Variants in CYCS observed in about 807,000 individuals in gnomAD.
The protein encoded by CYCS is cytochrome c.
For synonymous variants in CYCS, 41 were observed against 43.0 expected (o/e 0.95, Z 0.18); for missense variants, 87 against 125.3 (o/e 0.69, Z 1.46).
chr7:25,119,578 C>CTTT lies in CYCS; in HGVS notation c.*4120_*4122dup, dbSNP rs371993166. Among the ~76,000 whole-genome samples the CTTT allele has an allele frequency of 7.1e-6, 1 of 141,000 alleles. No individual in the cohort carries two copies. Among genetic ancestry groups the CTTT allele is most frequent in the Non-Finnish European group, 1.5e-5 (1 of 64,538 alleles). The allele number at this position is 141,000 out of a possible 152,430, so 92.5% of individuals were successfully genotyped here. A position where few individuals can be genotyped will look rare whatever the true frequency, so the allele number is the denominator to read the frequency against. ...GGCATGACCTACTGCACCCAGACCACTTTTTTTTTTTTTAAAAGAGATGGA... is the reference window on the plus strand; with the variant it reads ...GGCATGACCTACTGCACCCAGACCACTTTTTTTTTTTTTTTTAAAAGAGATGGA... On this transcript the variant is annotated 3_prime_UTR_variant, in exon 3 of 3. Coordinates refer to ENST00000305786, the MANE Select transcript of CYCS (RefSeq NM_018947.6).
At position 25,120,763 on chromosome 7, in the gene CYCS, GCT is replaced by G. The variant is rs1460011656; in HGVS notation, c.*2936_*2937del. On this transcript the variant is annotated 3_prime_UTR_variant, in exon 3 of 3. Transcript: ENST00000305786. ...GAAATGAAAACATGTGGTTTATAGT[GCT>G]CTTTTTTTCCCCTATTTCCTTATTT... 3 of 152,314 alleles carry G rather than the reference GCT, an allele frequency of 2.0e-5. No homozygotes were observed. Among genetic ancestry groups the G allele is most frequent in the Admixed American group, 6.5e-5 (1 of 15,296 alleles). The allele number at this position is 152,314 out of a possible 1,614,324, so 9.4% of individuals were successfully genotyped here. A position where few individuals can be genotyped will look rare whatever the true frequency, so the allele number is the denominator to read the frequency against.
chr7:25,123,445 C>T lies in CYCS; in HGVS notation c.*256G>A, dbSNP rs1035038866. ...TTTGTGAAAAGTTGAACATTACTAACGAAGTCTAATCATATCTTTAAAAGG... is the reference window on the plus strand; with the variant it reads ...TTTGTGAAAAGTTGAACATTACTAATGAAGTCTAATCATATCTTTAAAAGG... On this transcript the variant is annotated 3_prime_UTR_variant, in exon 3 of 3. Coordinates refer to ENST00000305786, the MANE Select transcript of CYCS (RefSeq NM_018947.6). The T allele has an allele frequency of 2.9e-5, 13 of 444,506 alleles. No individual in the cohort carries two copies. Among genetic ancestry groups the T allele is most frequent in the South Asian group, 8.9e-5 (4 of 44,942 alleles). The allele number at this position is 444,506 out of a possible 1,614,324, so 27.5% of individuals were successfully genotyped here. A position where few individuals can be genotyped will look rare whatever the true frequency, so the allele number is the denominator to read the frequency against.
rs1382884625 is a variant in CYCS at position 25,120,760 on chromosome 7, A to G, written c.*2941T>C. On this transcript the variant is annotated 3_prime_UTR_variant, in exon 3 of 3. Coordinates refer to ENST00000305786, the MANE Select transcript of CYCS (RefSeq NM_018947.6). The stretch of plus-strand genomic sequence containing the variant: ...CTAGAAATGAAAACATGTGGTTTAT[A>G]GTGCTCTTTTTTTCCCCTATTTCCT... 2 of 152,360 alleles carry G rather than the reference A, an allele frequency of 1.3e-5. No homozygotes were observed. The highest frequency in any genetic ancestry group is 2.9e-5 in the Non-Finnish European group (2 of 68,038). The allele number at this position is 152,360 out of a possible 1,614,324, so 9.4% of individuals were successfully genotyped here.
Position 25,121,433 on chromosome 7 carries a change from C to T in CYCS, c.*2268G>A, listed in dbSNP as rs758114524. ...TGGCGGGTGCCTGTAATCCCAGCTA[C>T]TCAGGAGGCTGAGGCAGGAGAATCA... On this transcript the variant is annotated 3_prime_UTR_variant, in exon 3 of 3. Transcript: ENST00000305786. The T allele has an allele frequency of 7.2e-5, 11 of 152,100 alleles. No individual in the cohort carries two copies. The highest frequency in any genetic ancestry group is 2.4e-5 in the African/African-American group (1 of 41,350). 9.4% of individuals were successfully genotyped at this position (152,100 alleles called of 1,614,324 possible). A position where few individuals can be genotyped will look rare whatever the true frequency, so the allele number is the denominator to read the frequency against.
Position 25,119,064 on chromosome 7 carries a change from A to G in CYCS, c.*4637T>C, listed in dbSNP as rs539893246. ...ATTCTGAGGCACAGAAAATACAGCC[A>G]AAGCAGCAGCTCAGTATGTACCCCG... On this transcript the variant is annotated 3_prime_UTR_variant, in exon 3 of 3. Coordinates refer to ENST00000305786, the MANE Select transcript of CYCS (RefSeq NM_018947.6). 1.3e-5 allele frequency among the ~76,000 whole-genome samples: 2 copies of G among 152,346 alleles called. No homozygotes were observed. The highest frequency in any genetic ancestry group is 2.9e-5 in the Non-Finnish European group (2 of 68,028).
At chr7:25,124,602 G>C (rs1326045479) in intron 1 of CYCS, 1 of 215,164 alleles carries the variant, frequency 4.6e-6, no homozygotes, top group Non-Finnish European at 9.5e-6. Flanking sequence ...ATCTGCCCAG[G>C]TCACAGGAGT....
In CYCS at chr7:25,122,401, C is replaced by T. The variant is rs1327399663; in HGVS notation, c.*1300G>A. 1 of 152,236 alleles carries T rather than the reference C, an allele frequency of 6.6e-6. No individual in the cohort carries two copies. Among genetic ancestry groups the T allele is most frequent in the Admixed American group, 6.5e-5 (1 of 15,276 alleles). The allele number at this position is 152,236 out of a possible 1,614,324, so 9.4% of individuals were successfully genotyped here. ...GTCTTCTCACTGTCCCACAAAGATA[C>T]AGTTCTCAGCTGCACCAGCATAGAT... On this transcript the variant is annotated 3_prime_UTR_variant, in exon 3 of 3. Transcript: ENST00000305786.
rs1362456118 is a variant in CYCS, at chr7:25,125,228, C to A, written c.-37G>T. 6.5e-6 allele frequency: 1 copy of A among 152,868 alleles called. No individual in the cohort carries two copies. The highest frequency in any genetic ancestry group is 2.4e-5 in the African/African-American group (1 of 41,478). The allele number at this position is 152,868 out of a possible 1,614,324, so 9.5% of individuals were successfully genotyped here. The stretch of plus-strand genomic sequence containing the variant: ...TTTTTAGTCGCTGGCACAACGAACA[C>A]TCCCGCTCCGAAGCCGGACGTCCCC... On this transcript the variant is annotated 5_prime_UTR_variant, in exon 1 of 3. Coordinates refer to ENST00000305786, the MANE Select transcript of CYCS (RefSeq NM_018947.6).
In CYCS at chr7:25,121,152, T is replaced by A. The variant is rs911590169; in HGVS notation, c.*2549A>T. On this transcript the variant is annotated 3_prime_UTR_variant, in exon 3 of 3. Coordinates refer to ENST00000305786, the MANE Select transcript of CYCS (RefSeq NM_018947.6). ...AAATAAAAATAAAAAAGTTACAGAATCACATTTTAAACCACCAGAAGTGCT... is the reference window on the plus strand; with the variant it reads ...AAATAAAAATAAAAAAGTTACAGAAACACATTTTAAACCACCAGAAGTGCT... 6.6e-6 allele frequency: 1 copy of A among 151,868 alleles called. No individual in the cohort carries two copies. The highest frequency in any genetic ancestry group is 2.4e-5 in the African/African-American group (1 of 41,352). 9.4% of individuals were successfully genotyped at this position (151,868 alleles called of 1,614,324 possible).
rs1020529555 is a variant in CYCS, at chr7:25,120,995, A to G, written c.*2706T>C. On this transcript the variant is annotated 3_prime_UTR_variant, in exon 3 of 3. Coordinates refer to ENST00000305786, the MANE Select transcript of CYCS (RefSeq NM_018947.6). ...CAAAATAAGCTGGGCATGGTGGCGC[A>G]TGCTTGTAATCCCAGCTACTTGAGA... The G allele has an allele frequency of 6.6e-6, 1 of 152,260 alleles. No homozygotes were observed. The highest frequency in any genetic ancestry group is 2.4e-5 in the African/African-American group (1 of 41,454). 9.4% of individuals were successfully genotyped at this position (152,260 alleles called of 1,614,324 possible).
At position 25,120,054 on chromosome 7, in the gene CYCS, C is replaced by T. The variant is rs1783334844; in HGVS notation, c.*3647G>A. The T allele has an allele frequency of 6.6e-6, 1 of 151,570 alleles. No individual in the cohort carries two copies. The highest frequency in any genetic ancestry group is 6.6e-5 in the Admixed American group (1 of 15,214). The allele number at this position is 151,570 out of a possible 1,614,324, so 9.4% of individuals were successfully genotyped here. ...AGCACAACAGGAACTGGAATCTATT[C>T]TGAAGGGCAATATAATGTACTTCCA... On this transcript the variant is annotated 3_prime_UTR_variant, in exon 3 of 3. Transcript: ENST00000305786.
In CYCS at chr7:25,120,107, G is replaced by A; in HGVS notation, c.*3594C>T. 1 of 141,030 alleles carries A rather than the reference G, an allele frequency of 7.1e-6. No individual in the cohort carries two copies. The highest frequency in any genetic ancestry group is 2.1e-4 in the East Asian group (1 of 4,830). 8.7% of individuals were successfully genotyped at this position (141,030 alleles called of 1,614,324 possible). A position where few individuals can be genotyped will look rare whatever the true frequency, so the allele number is the denominator to read the frequency against. On this transcript the variant is annotated 3_prime_UTR_variant, in exon 3 of 3. Transcript: ENST00000305786. ...AATTCTAGATTTTTTTTTTTTTTTG[G>A]AGACAGTTTCACTCGTCACCCAGGC...
rs748611135 is a variant in CYCS at position 25,123,847 on chromosome 7, T to C, written c.172A>G (p.Ile58Val). Residue 58 changes from isoleucine (I) to valine (V), a missense_variant and splice_region_variant, in exon 3 of 3, where the codon ATC becomes GTC. Coordinates refer to ENST00000305786, the MANE Select transcript of CYCS (RefSeq NM_018947.6). ...SYTAANKNKGIIWGEDTLMEY... is the reference protein window; with the variant it reads ...SYTAANKNKGVIWGEDTLMEY... ...ATCAGTGTATCCTCTCCCCAGATGA[T>C]GCCTAAACAAGAAAGAATGCATCGG... 1.2e-4 allele frequency: 200 copies of C among 1,614,074 alleles called. No homozygotes were observed. Among genetic ancestry groups the C allele is most frequent in the Non-Finnish European group, 1.7e-4 (195 of 1,180,042 alleles).
rs1352319234 is a variant in CYCS, at chr7:25,119,145, TATACTTCATCAGGC to T, written c.*4542_*4555del. ...CAAAGTTTCTGGTCAGGTGTATTTG[TATACTTCATCAGGC>T]ATATGCCTTGCATTACATAGCTCTC... On this transcript the variant is annotated 3_prime_UTR_variant, in exon 3 of 3. Transcript: ENST00000305786. Among the ~76,000 whole-genome samples the T allele has an allele frequency of 6.6e-6, 1 of 152,238 alleles. No homozygotes were observed. The highest frequency in any genetic ancestry group is 1.5e-5 in the Non-Finnish European group (1 of 68,040).
chr7:25,119,531 C>A lies in CYCS; in HGVS notation c.*4170G>T, dbSNP rs538109613. Among the ~76,000 whole-genome samples the A allele has an allele frequency of 2.0e-5, 3 of 151,316 alleles. No homozygotes were observed. Among genetic ancestry groups the A allele is most frequent in the South Asian group, 4.2e-4 (2 of 4,792 alleles). On this transcript the variant is annotated 3_prime_UTR_variant, in exon 3 of 3. Coordinates refer to ENST00000305786, the MANE Select transcript of CYCS (RefSeq NM_018947.6). Reference sequence around the variant, plus strand: ...CCTCAGGTGATCTGCCTGCCTTGGCCTCCCAAAGTGCTGGGATTGCAGGCA... The same window carrying A: ...CCTCAGGTGATCTGCCTGCCTTGGCATCCCAAAGTGCTGGGATTGCAGGCA...
rs1783428195 is a variant in CYCS, at chr7:25,125,209, G to C, written c.-18C>G. 1 of 152,838 alleles carries C rather than the reference G, an allele frequency of 6.5e-6. No individual in the cohort carries two copies. The highest frequency in any genetic ancestry group is 6.5e-5 in the Admixed American group (1 of 15,288). 9.5% of individuals were successfully genotyped at this position (152,838 alleles called of 1,614,324 possible). On this transcript the variant is annotated 5_prime_UTR_variant, in exon 1 of 3. Transcript: ENST00000305786. ...CGCGACCCGCTCTCACCTCTTTTTA[G>C]TCGCTGGCACAACGAACACTCCCGC...
Position 25,119,748 on chromosome 7 carries a change from T to A in CYCS, c.*3953A>T, listed in dbSNP as rs1356074373. 6.6e-6 allele frequency among the ~76,000 whole-genome samples: 1 copy of A among 152,218 alleles called. No individual in the cohort carries two copies. Among genetic ancestry groups the A allele is most frequent in the Non-Finnish European group, 1.5e-5 (1 of 68,048 alleles). On this transcript the variant is annotated 3_prime_UTR_variant, in exon 3 of 3. Coordinates refer to ENST00000305786, the MANE Select transcript of CYCS (RefSeq NM_018947.6). ...CACCACGACGCCCAGTTATCTAGTT[T>A]ACTCTTACCCAAGTATAAATGATAT...
At chr7:25,124,346 A>G (rs1345280020) in intron 1 of CYCS, among the ~76,000 whole-genome samples, 1 of 152,190 alleles carries the variant, frequency 6.6e-6, no homozygotes, top group Non-Finnish European at 1.5e-5. Flanking sequence ...TTTTGTGTGT[A>G]TACGTGAAGG....
In CYCS at chr7:25,121,845, T is replaced by G. The variant is rs1783368373; in HGVS notation, c.*1856A>C. Reference sequence around the variant, plus strand: ...GGGAAGCTGAAGTGAGAGAATCGCTTGAGCCTGGGAAATAGAGGTTGCAGC... The same window carrying G: ...GGGAAGCTGAAGTGAGAGAATCGCTGGAGCCTGGGAAATAGAGGTTGCAGC... On this transcript the variant is annotated 3_prime_UTR_variant, in exon 3 of 3. Coordinates refer to ENST00000305786, the MANE Select transcript of CYCS (RefSeq NM_018947.6). 6.6e-6 allele frequency: 1 copy of G among 152,218 alleles called. No homozygotes were observed. Among genetic ancestry groups the G allele is most frequent in the Non-Finnish European group, 1.5e-5 (1 of 68,076 alleles). 9.4% of individuals were successfully genotyped at this position (152,218 alleles called of 1,614,324 possible).
Sources: gnomAD v4.1 joint callset for allele counts (sites outside exome capture counted in the v4.1 genomes callset) on GRCh38, gnomAD v4.1.1 for gene constraint, MANE v1.5 for transcripts, NCBI Gene and HGNC (gene_info 2026-07-23, HGNC 2026-07-21) for gene names.